Variants in TGFB2 observed in about 807,000 individuals in gnomAD.
TGFB2 encodes the protein transforming growth factor beta 2.
Under a neutral mutation model 42.7 loss-of-function variants are expected in TGFB2, and 13 were observed. The ratio of observed to expected loss-of-function variants is 0.30; its 90% CI spans 0.20 to 0.48. The LOEUF (loss-of-function observed/expected upper bound fraction) is 0.48, where lower values mean the gene tolerates loss of function less well. Among genes scored for constraint, TGFB2 ranks in the 20% least tolerant of loss-of-function variants. The probability of loss-of-function intolerance (pLI) is 0.99; values close to 1 mark genes in which losing one functional copy is unlikely to be tolerated. For missense variants in TGFB2, 390 were observed against 517.5 expected, an observed-to-expected ratio of 0.75 and a Z score of 2.39; for synonymous variants, 193 against 193.6, an observed-to-expected ratio of 1.00 and a Z score of 0.03.
At chr1:218,436,764 A>G (rs1004215148) in intron 5 of TGFB2, among the ~76,000 whole-genome samples, 2 of 152,252 alleles carry the variant, frequency 1.3e-5, no homozygotes, top group African/African-American at 4.8e-5. Context: ...TGAAGTGCTC[A>G]AAATGTCAGA....
chr1:218,416,583 T>C (rs188199549), intron 2 of TGFB2, among the ~76,000 whole-genome samples: 1 of 152,320 alleles, frequency 6.6e-6, no homozygotes, highest in Non-Finnish European at 1.5e-5. Context: ...CTGGTTCTTA[T>C]ATTTCTGAAA....
At chr1:218,406,704 G>T (rs958504475) in intron 2 of TGFB2, among the ~76,000 whole-genome samples, 2 of 152,150 alleles carry the variant, frequency 1.3e-5, no homozygotes, top group African/African-American at 4.8e-5. Context: ...GGCAGGAAGG[G>T]CAGGCACTGC....
chr1:218,403,198 T>G (rs1658788511), intron 1 of TGFB2, among the ~76,000 whole-genome samples: 1 of 147,400 alleles, frequency 6.8e-6, no homozygotes, highest in Non-Finnish European at 1.5e-5. Context: ...ATACTTTGGA[T>G]TTTTTGGGGT....
rs1553292145 is a variant in TGFB2 at position 218,347,048 on chromosome 1, G to A, written c.346+1G>A. ...ATGCCGCCCTTCTTCCCCTCCGAAA[G>A]TAAGTACTTATTTTGACTTCCATCC... On this transcript the variant is annotated splice_donor_variant, in intron 1 of 6. Coordinates refer to ENST00000366930, the MANE Select transcript of TGFB2 (RefSeq NM_003238.6). LOFTEE classifies it high-confidence loss of function. 6.4e-7 allele frequency: 1 copy of A among 1,570,652 alleles called. No homozygotes were observed. The highest frequency in any genetic ancestry group is 8.6e-7 in the Non-Finnish European group (1 of 1,157,414).
intron 2 of TGFB2, among the ~76,000 whole-genome samples, chr1:218,407,225 G>A (rs759536281): frequency 2.0e-5 from 3 of 152,012 alleles, no homozygotes; most frequent in Admixed American, 2.0e-4. Flanking sequence ...GCATCCCCAC[G>A]CCTAACTCTA....
At chr1:218,440,106 G>T (rs1660104546) in intron 6 of TGFB2, among the ~76,000 whole-genome samples, 1 of 152,122 alleles carries the variant, frequency 6.6e-6, no homozygotes, top group South Asian at 2.1e-4. Flanking sequence ...AAGGTGTAAG[G>T]CTAATTATAG....
At chr1:218,414,452 G>A (rs1345236376) in intron 2 of TGFB2, among the ~76,000 whole-genome samples, 2 of 151,928 alleles carry the variant, frequency 1.3e-5, no homozygotes, top group East Asian at 1.9e-4. Context: ...TCCTAGCCCC[G>A]GCGCCACATT....
chr1:218,372,259 G>C (rs926393262), intron 1 of TGFB2, among the ~76,000 whole-genome samples: 4 of 152,222 alleles, frequency 2.6e-5, no homozygotes, highest in Admixed American at 6.5e-5. Context: ...CTGTTTTGCT[G>C]AATGTGAACT....
intron 1 of TGFB2, among the ~76,000 whole-genome samples, chr1:218,376,823 T>TA (rs1163409456): frequency 1.3e-5 from 2 of 152,188 alleles, no homozygotes; most frequent in Non-Finnish European, 1.5e-5. Flanking sequence ...GCAGAAAAAT[T>TA]AAAAAACTGC....
chr1:218,441,399 A>T lies in TGFB2; in HGVS notation c.*37A>T. ...AAGTGGCAAGACCAAAATGACAATG[A>T]TGATGATAATGATGATGACGACGAC... On this transcript the variant is annotated 3_prime_UTR_variant, in exon 7 of 7. Transcript: ENST00000366930. 6.4e-7 allele frequency: 1 copy of T among 1,563,340 alleles called. No homozygotes were observed. The highest frequency in any genetic ancestry group is 8.7e-7 in the Non-Finnish European group (1 of 1,155,588).
chr1:218,378,773 G>T (rs79138297), intron 1 of TGFB2, among the ~76,000 whole-genome samples: 4 of 149,054 alleles, frequency 2.7e-5, no homozygotes, highest in East Asian at 2.0e-4. Context: ...CACCCGGCCT[G>T]TTTTTTTTTT....
chr1:218,382,305 G>A (rs1309907481), intron 1 of TGFB2, among the ~76,000 whole-genome samples: 1 of 152,144 alleles, frequency 6.6e-6, no homozygotes, highest in East Asian at 1.9e-4. Context: ...TGCTTTTGGG[G>A]ACTGTAGCTT....
chr1:218,403,207 G>A (rs561249726), intron 1 of TGFB2, among the ~76,000 whole-genome samples: 1 of 151,952 alleles, frequency 6.6e-6, no homozygotes, highest in African/African-American at 2.4e-5. Context: ...ATTTTTTGGG[G>A]TTTTTTTGTT....
intron 1 of TGFB2, among the ~76,000 whole-genome samples, chr1:218,393,382 T>C (rs1249427243): frequency 6.6e-6 from 1 of 152,224 alleles, no homozygotes; most frequent in East Asian, 1.9e-4. Flanking sequence ...CAAAATAAAA[T>C]GTGCTTCTAA....
intron 1 of TGFB2, among the ~76,000 whole-genome samples, chr1:218,361,145 G>A (rs1437070072): frequency 6.6e-6 from 1 of 152,154 alleles, no homozygotes; most frequent in Non-Finnish European, 1.5e-5. Flanking sequence ...GAGCCACCGC[G>A]CCCGGCCTGA....
chr1:218,412,108 C>G (rs1291802987), intron 2 of TGFB2, among the ~76,000 whole-genome samples: 16 of 152,196 alleles, frequency 1.1e-4, no homozygotes, highest in Admixed American at 1.0e-3. Flanking sequence ...CAGCATCATA[C>G]CTGGTGCCAG....
At chr1:218,421,388 T>C (rs912722611) in intron 2 of TGFB2, among the ~76,000 whole-genome samples, 1 of 146,752 alleles carries the variant, frequency 6.8e-6, no homozygotes, top group East Asian at 2.1e-4. Flanking sequence ...TTTTTTTTTT[T>C]ATCACTATAA....
chr1:218,350,309 C>A (rs982771327), intron 1 of TGFB2, among the ~76,000 whole-genome samples: 1 of 152,196 alleles, frequency 6.6e-6, no homozygotes, highest in African/African-American at 2.4e-5. Flanking sequence ...CCAACACCCG[C>A]ACCCCTACTC....
chr1:218,426,691 T>C (rs1050595989), intron 2 of TGFB2, among the ~76,000 whole-genome samples: 2 of 152,174 alleles, frequency 1.3e-5, no homozygotes, highest in Non-Finnish European at 2.9e-5. Context: ...GAAACAGTTG[T>C]TGGTCAGTTA....
Sources: allele counts gnomAD v4.1 joint callset (sites outside exome capture counted in the v4.1 genomes callset), GRCh38; gene constraint gnomAD v4.1.1; transcripts MANE v1.5; gene names NCBI Gene and HGNC (gene_info 2026-07-23, HGNC 2026-07-21).